The following MYO1D variants were observed in gnomAD, a reference collection of about 807,000 sequenced individuals.
MYO1D encodes myosin ID, also known as unconventional myosin-Id.
MYO1D carries 83 observed loss-of-function variants against 122.0 expected under a neutral mutation model. That is an observed-to-expected ratio of 0.68 (90% CI 0.57 to 0.82). The LOEUF (loss-of-function observed/expected upper bound fraction) is 0.82, where lower values mean the gene tolerates loss of function less well. MYO1D is among the 40% of genes least tolerant of loss of function. The pLI is 0.00. For synonymous variants in MYO1D, 464 were observed against 446.9 expected (o/e 1.04, Z -0.48); for missense variants, 1,157 against 1,269.5 (o/e 0.91, Z 1.35).
intron 1 of MYO1D, among the ~76,000 whole-genome samples, chr17:32,874,191 A>G (rs1309219144): frequency 6.6e-6 from 1 of 152,204 alleles, no homozygotes; most frequent in Non-Finnish European, 1.5e-5. Context: ...TTCTATAATT[A>G]CTTGACAAAT....
At chr17:32,642,362 C>G (rs1277077134) in intron 19 of MYO1D, among the ~76,000 whole-genome samples, 2 of 152,046 alleles carry the variant, frequency 1.3e-5, no homozygotes, top group Admixed American at 6.6e-5. Flanking sequence ...AGTCAGGTAG[C>G]GTGACGCCTC....
intron 21 of MYO1D, among the ~76,000 whole-genome samples, chr17:32,571,377 C>T (rs1372744939): frequency 6.6e-6 from 1 of 152,194 alleles, no homozygotes; most frequent in East Asian, 1.9e-4. Flanking sequence ...GCATCTGTTC[C>T]TGCTGCTGCC....
intron 21 of MYO1D, chr17:32,505,561 G>A (rs926601590): frequency 6.6e-6 from 1 of 151,852 alleles, no homozygotes; most frequent in Non-Finnish European, 1.5e-5. Flanking sequence ...CATGTGGCAG[G>A]GCCTTCCGCA....
At chr17:32,827,361 T>C (rs927593198) in intron 1 of MYO1D, among the ~76,000 whole-genome samples, 3 of 152,142 alleles carry the variant, frequency 2.0e-5, no homozygotes, top group African/African-American at 7.2e-5. Flanking sequence ...AAAAAATTCA[T>C]AGAGGCAGAA....
chr17:32,515,439 G>A (rs1909855616), intron 21 of MYO1D, among the ~76,000 whole-genome samples: 1 of 152,092 alleles, frequency 6.6e-6, no homozygotes. Context: ...CCACAAGTAT[G>A]TGCCTCCATG....
intron 21 of MYO1D, among the ~76,000 whole-genome samples, chr17:32,543,148 C>T (rs908505768): frequency 2.0e-5 from 3 of 150,858 alleles, no homozygotes; most frequent in Admixed American, 2.0e-4. Context: ...ATGGCATGAA[C>T]CTGGGAGGCG....
intron 15 of MYO1D, among the ~76,000 whole-genome samples, chr17:32,716,261 A>T (rs1433648941): frequency 6.6e-6 from 1 of 152,130 alleles, no homozygotes; most frequent in Non-Finnish European, 1.5e-5. Flanking sequence ...TGATCTTTGT[A>T]TATCAACAAA....
At chr17:32,497,154 C>G (rs745713222) in intron 21 of MYO1D, 1 of 152,532 alleles carries the variant, frequency 6.6e-6, no homozygotes, top group Non-Finnish European at 1.5e-5. Context: ...TAAAATGGCA[C>G]GGGTGCAGTG....
chr17:32,550,302 G>A (rs899473775), intron 21 of MYO1D, among the ~76,000 whole-genome samples: 1 of 152,158 alleles, frequency 6.6e-6, no homozygotes, highest in African/African-American at 2.4e-5. Flanking sequence ...GTTTCACTGT[G>A]TTGGCCAGGC....
intron 1 of MYO1D, among the ~76,000 whole-genome samples, chr17:32,786,776 C>T (rs1000208234): frequency 6.6e-6 from 1 of 151,980 alleles, no homozygotes; most frequent in Admixed American, 6.5e-5. Context: ...GCTGAGATCG[C>T]GCCACTTCAC....
chr17:32,678,775 G>C (rs1275921727), intron 16 of MYO1D, among the ~76,000 whole-genome samples: 6,799 of 149,240 alleles, frequency 0.046, 579 homozygotes, highest in African/African-American at 0.15. Context: ...TATATACCCA[G>C]TAATGGGATG....
chr17:32,755,425 T>G, intron 11 of MYO1D, 67 bp downstream of exon 11: 1 of 1,494,832 alleles, frequency 6.7e-7, no homozygotes, highest in South Asian at 1.3e-5. Flanking sequence ...ATAAAGTCGT[T>G]GAACTCCATC....
chr17:32,497,346 C>G (rs1021268903), intron 21 of MYO1D, among the ~76,000 whole-genome samples: 5 of 152,092 alleles, frequency 3.3e-5, no homozygotes. Context: ...AATCCTAGTT[C>G]CCTGGGAGGC....
intron 1 of MYO1D, among the ~76,000 whole-genome samples, chr17:32,851,416 A>C (rs1365362460): frequency 2.0e-5 from 3 of 151,880 alleles, no homozygotes; most frequent in Non-Finnish European, 4.4e-5. Flanking sequence ...CATGCCTAAG[A>C]CTCTTCACCT....
chr17:32,549,745 C>T (rs976909022), intron 21 of MYO1D, among the ~76,000 whole-genome samples: 1 of 152,126 alleles, frequency 6.6e-6, no homozygotes, highest in East Asian at 1.9e-4. Flanking sequence ...CAAGTCTCTT[C>T]AATCCCAGAG....
chr17:32,787,843 G>A (rs537017956), intron 1 of MYO1D, among the ~76,000 whole-genome samples: 61 of 152,256 alleles, frequency 4.0e-4, no homozygotes, highest in Admixed American at 7.8e-4. Context: ...GAGAACATAT[G>A]ATATTTGGCT....
chr17:32,511,858 C>T (rs138981715), intron 21 of MYO1D, among the ~76,000 whole-genome samples: 68 of 152,278 alleles, frequency 4.5e-4, no homozygotes, highest in African/African-American at 1.6e-3. Flanking sequence ...TTCAGCTCAC[C>T]ATTATCAAGA....
Position 32,658,304 on chromosome 17 carries a change from A to T in MYO1D, c.2345+811T>A, listed in dbSNP as rs139694645. ...TTAGTTCTTGTACATTCAGCATATC[A>T]ATTAGTTCAAAGTGTTCTTTATGGA... On this transcript the variant is annotated intron_variant, in intron 17 of 21. Coordinates refer to ENST00000318217, the MANE Select transcript of MYO1D (RefSeq NM_015194.3). Among the ~76,000 whole-genome samples, 54 of 152,330 alleles carry T rather than the reference A, an allele frequency of 3.5e-4. No homozygotes were observed. In the East Asian group the frequency reaches 0.01, roughly 28 times the overall value.
intron 21 of MYO1D, chr17:32,530,126 T>C (rs1307330336): frequency 6.6e-6 from 1 of 152,144 alleles, no homozygotes; most frequent in Non-Finnish European, 1.5e-5. Flanking sequence ...GTGACAGTTA[T>C]CTAAGGCATG....
Sources: gnomAD v4.1 joint callset for allele counts (sites outside exome capture counted in the v4.1 genomes callset) on GRCh38, gnomAD v4.1.1 for gene constraint, MANE v1.5 for transcripts, NCBI Gene and HGNC (gene_info 2026-07-23, HGNC 2026-07-21) for gene names.